UNKL: variants seen among roughly 807,000 people sequenced by gnomAD.
UNKL encodes unk like zinc finger.
In UNKL, 60 loss-of-function variants were observed where a neutral mutation model predicts 78.0. The observed-to-expected ratio is 0.77, with a 90% CI of 0.63 to 0.95. UNKL has a LOEUF of 0.95. UNKL is among the 40% of genes least tolerant of loss of function. The pLI is 0.00. For synonymous variants in UNKL, 608 were observed against 474.8 expected (o/e 1.28, Z -3.65); for missense variants, 1,159 against 1,045.7 (o/e 1.11, Z -1.49).
rs1383285706 is a variant in UNKL, at chr16:1,371,460, A to G, written c.1357+59T>C. The G allele has an allele frequency of 4.0e-6, 6 of 1,505,018 alleles. No homozygotes were observed. In the Admixed American group the frequency reaches 7.9e-5, roughly 20 times the overall value. 93.2% of individuals were successfully genotyped at this position (1,505,018 alleles called of 1,614,324 possible). The stretch of plus-strand genomic sequence containing the variant: ...CCCGGGCTCAAGCGATCCTCCGGCC[A>G]CAGCACTTGGCTGTTCAGCGGCTGG... On this transcript the variant is annotated intron_variant, in intron 11 of 14. Transcript: ENST00000389221.
At chr16:1,395,624 T>C (rs566736266) in intron 6 of UNKL, 4 of 446,850 alleles carry the variant, frequency 9.0e-6, no homozygotes, top group Non-Finnish European at 1.8e-5. Context: ...ACCTCCTGCC[T>C]CGGAAGAGTC....
rs1183289399 is a variant in UNKL, at chr16:1,365,015, C to T, written c.*1225G>A. ...ACAGCTTTTTTTTTTTTTTTTTGAG[C>T]CAGAGTCTCGCTCTGTCACCCGGGC... On this transcript the variant is annotated 3_prime_UTR_variant, in exon 15 of 15. Transcript: ENST00000389221. 4 of 147,270 alleles carry T rather than the reference C, an allele frequency of 2.7e-5. No homozygotes were observed. Among genetic ancestry groups the T allele is most frequent in the Non-Finnish European group, 5.9e-5 (4 of 67,294 alleles). 9.1% of individuals were successfully genotyped at this position (147,270 alleles called of 1,614,324 possible). A position where few individuals can be genotyped will look rare whatever the true frequency, so the allele number is the denominator to read the frequency against.
In UNKL at chr16:1,363,413, A is replaced by G. The variant is rs2034989327; in HGVS notation, c.*2827T>C. ...CTCATGTAAATACTCAAACATACAG[A>G]TTGAGGCTTCCAGAAATTAATCCAC... On this transcript the variant is annotated 3_prime_UTR_variant, in exon 15 of 15. Coordinates refer to ENST00000389221, the MANE Select transcript of UNKL (RefSeq NM_001372107.1). The G allele has an allele frequency of 5.4e-6, 2 of 370,812 alleles. No individual in the cohort carries two copies. The highest frequency in any genetic ancestry group is 3.9e-5 in the Admixed American group (1 of 25,398). The allele number at this position is 370,812 out of a possible 1,614,324, so 23.0% of individuals were successfully genotyped here.
In UNKL at chr16:1,369,912, T is replaced by C. The variant is rs552120333; in HGVS notation, c.1585+218A>G. ...ATTGCTTGAACCTGGGAGGCGGAGG[T>C]TGCGGCGAGCCGAGATCGTACCATT... On this transcript the variant is annotated intron_variant, in intron 12 of 14. Coordinates refer to ENST00000389221, the MANE Select transcript of UNKL (RefSeq NM_001372107.1). The C allele has an allele frequency of 2.3e-5, 35 of 1,533,390 alleles. No homozygotes were observed. In the Admixed American group the frequency reaches 6.7e-4, roughly 29 times the overall value. 95.0% of individuals were successfully genotyped at this position (1,533,390 alleles called of 1,614,324 possible).
At position 1,364,421 on chromosome 16, in the gene UNKL, C is replaced by T. The variant is rs969906177; in HGVS notation, c.*1819G>A. The T allele has an allele frequency of 5.3e-5, 8 of 152,220 alleles. No individual in the cohort carries two copies. Among genetic ancestry groups the T allele is most frequent in the Non-Finnish European group, 8.8e-5 (6 of 68,040 alleles). The allele number at this position is 152,220 out of a possible 1,614,324, so 9.4% of individuals were successfully genotyped here. ...TAAAAGTCTTTGGCAAAGCCACGGTCGGGGAGAAACACGTCGGTGCCGCTT... is the reference window on the plus strand; with the variant it reads ...TAAAAGTCTTTGGCAAAGCCACGGTTGGGGAGAAACACGTCGGTGCCGCTT... On this transcript the variant is annotated 3_prime_UTR_variant, in exon 15 of 15. Transcript: ENST00000389221.
chr16:1,382,359 C>T (rs1297578153), intron 10 of UNKL, among the ~76,000 whole-genome samples: 1 of 152,214 alleles, frequency 6.6e-6, no homozygotes, highest in Non-Finnish European at 1.5e-5. Flanking sequence ...CCCTCCATGG[C>T]AAGGCAGAAA....
chr16:1,368,125 AGGAATTAAAT>A, intron 12 of UNKL: 1 of 519,412 alleles, frequency 1.9e-6, no homozygotes, highest in Non-Finnish European at 3.4e-6. Flanking sequence ...CTAAACAGAG[AGGAATTAAAT>A]TCAAGTTCCT....
intron 2 of UNKL, among the ~76,000 whole-genome samples, chr16:1,405,715 G>C (rs921505088): frequency 1.3e-5 from 2 of 151,858 alleles, no homozygotes; most frequent in African/African-American, 4.8e-5. Flanking sequence ...ACGAGCCCCC[G>C]GGGGTCGGGT....
In UNKL at chr16:1,399,321, C is replaced by T. The variant is rs541829585; in HGVS notation, c.734+53G>A. On this transcript the variant is annotated intron_variant, in intron 5 of 14. Transcript: ENST00000389221. This position sits in a 1 kb window ranked among gnomAD's most constrained non-coding sequence, Gnocchi z 5.8. ...GGGGTGGGCAACGCGAGCCACGGGC[C>T]GGGAAGGACGCCCACCAGCCGGAGT... 6.0e-6 allele frequency: 9 copies of T among 1,498,244 alleles called. No homozygotes were observed. The highest frequency in any genetic ancestry group is 4.5e-5 in the Admixed American group (2 of 44,468). 92.8% of individuals were successfully genotyped at this position (1,498,244 alleles called of 1,614,324 possible).
chr16:1,380,685 T>TTTTA (rs2036573270), intron 10 of UNKL, among the ~76,000 whole-genome samples: 1 of 148,076 alleles, frequency 6.8e-6, no homozygotes, highest in Admixed American at 6.7e-5. Context: ...TTTTTTTTTT[T>TTTTA]TTTTTTTGAG....
chr16:1,401,629 A>AG lies in UNKL; in HGVS notation c.536dup (p.Gly180TrpfsTer10). The AG allele has an allele frequency of 6.2e-7, 1 of 1,609,326 alleles. No individual in the cohort carries two copies. ...TCATGGCCTGGCTGGCCAAGACCCC[A>AG]GGCTGCAGATCCGGGACCCCTTCCC... On this transcript the variant is annotated frameshift_variant, in exon 4 of 15. Transcript: ENST00000389221. LOFTEE classifies it high-confidence loss of function.
intron 6 of UNKL, among the ~76,000 whole-genome samples, chr16:1,396,716 C>A (rs985147143): frequency 2.0e-5 from 3 of 152,202 alleles, no homozygotes; most frequent in Admixed American, 6.5e-5. Flanking sequence ...GCCTCAGCCT[C>A]CTGAGTAGCT....
At position 1,399,268 on chromosome 16, in the gene UNKL, A is replaced by G. The variant is rs1275700399; in HGVS notation, c.734+106T>C. ...CTCCCCTCCCGGGGATGATGGTGCC[A>G]CAAGGGCAGCCCTCCCATTAGAACC... On this transcript the variant is annotated intron_variant, in intron 5 of 14. Coordinates refer to ENST00000389221, the MANE Select transcript of UNKL (RefSeq NM_001372107.1). This position sits in a 1 kb window ranked among gnomAD's most constrained non-coding sequence, Gnocchi z 5.8. 2.8e-6 allele frequency: 4 copies of G among 1,421,402 alleles called. No individual in the cohort carries two copies. The highest frequency in any genetic ancestry group is 3.7e-6 in the Non-Finnish European group (4 of 1,087,676). 88.0% of individuals were successfully genotyped at this position (1,421,402 alleles called of 1,614,324 possible).
chr16:1,400,327 A>C (rs1400119052), intron 4 of UNKL, among the ~76,000 whole-genome samples: 7 of 141,416 alleles, frequency 4.9e-5, no homozygotes, highest in South Asian at 4.9e-4. Context: ...CTGAGGCAGG[A>C]GAATTGCTTG....
chr16:1,381,535 G>T (rs1235592036), intron 10 of UNKL, among the ~76,000 whole-genome samples: 1 of 152,142 alleles, frequency 6.6e-6, no homozygotes, highest in Non-Finnish European at 1.5e-5. Context: ...AGGGAGAATC[G>T]CTTGAACCCG....
chr16:1,370,312 G>A lies in UNKL; in HGVS notation c.1403C>T (p.Ser468Phe). The change falls in exon 12 of 15, where the codon TCC becomes TTC. Residue 468 changes from serine to phenylalanine, a missense_variant. Transcript: ENST00000389221. Reference protein sequence around the residue: ...AGSAPVAIPGSLPRAPSLHSP... With the variant: ...AGSAPVAIPGFLPRAPSLHSP... ...GTGTAGCGATGGTGCTCTGGGCAGG[G>A]AGCCGGGGATGGCGACAGGTGCAGA... 6.5e-7 allele frequency: 1 copy of A among 1,533,754 alleles called. No individual in the cohort carries two copies. Among genetic ancestry groups the A allele is most frequent in the Non-Finnish European group, 8.7e-7 (1 of 1,146,004 alleles).
At position 1,385,381 on chromosome 16, in the gene UNKL, T is replaced by A. The variant is rs897973904; in HGVS notation, c.1091A>T (p.His364Leu). ...RGSEQDSKQN[H>L]LAVFAAVHPP... ...GTGGACCGCTGCAAACACGGCCAGG[T>A]GGTTCTGTTCAAAGACATAAACACC... Residue 364 changes from histidine (H) to leucine (L), a missense_variant, in exon 10 of 15, where the codon CAC becomes CTC. Physicochemically the swap from His to Leu is moderately conservative, Grantham distance 99 (BLOSUM62 -3). Transcript: ENST00000389221. 1.9e-5 allele frequency: 26 copies of A among 1,390,228 alleles called. No individual in the cohort carries two copies. The highest frequency in any genetic ancestry group is 2.3e-5 in the Non-Finnish European group (25 of 1,074,640). The allele number at this position is 1,390,228 out of a possible 1,614,324, so 86.1% of individuals were successfully genotyped here.
At chr16:1,374,201 ACAC>A (rs2036036014) in intron 10 of UNKL, among the ~76,000 whole-genome samples, 1 of 151,706 alleles carries the variant, frequency 6.6e-6, no homozygotes, top group Admixed American at 6.6e-5. Context: ...AGCGTGGGGC[ACAC>A]CACACAGGGA....
intron 14 of UNKL, 124 bp from the exon 15 acceptor site, chr16:1,366,519 A>G (rs960730250): frequency 4.6e-5 from 58 of 1,268,796 alleles, no homozygotes; most frequent in Non-Finnish European, 6.0e-5. Flanking sequence ...CTACAGAGAC[A>G]GGGTCAGGGA....
Sources: gnomAD v4.1 joint callset for allele counts (sites outside exome capture counted in the v4.1 genomes callset) on GRCh38, gnomAD v4.1.1 for gene constraint, Gnocchi (gnomAD v3.1) non-coding constraint, MANE v1.5 for transcripts, NCBI Gene and HGNC (gene_info 2026-07-23, HGNC 2026-07-21) for gene names.